SLFN11: variants seen among roughly 807,000 people sequenced by gnomAD.
The protein encoded by SLFN11 is schlafen family member 11.
SLFN11 carries 43 observed loss-of-function variants against 53.4 expected under a neutral mutation model. That is an observed-to-expected ratio of 0.80 (90% CI 0.63 to 1.04). SLFN11 has a LOEUF of 1.04. SLFN11 is among the 50% of genes least tolerant of loss of function. The pLI is 0.00. For missense variants in SLFN11, 990 were observed against 1,079.1 expected (o/e 0.92, Z 1.16); for synonymous variants, 389 against 394.7 (o/e 0.99, Z 0.17).
At position 35,363,463 on chromosome 17, in the gene SLFN11, G is replaced by C. The variant is rs781359832; in HGVS notation, c.345C>G (p.Phe115Leu). 1 of 1,613,832 alleles carries C rather than the reference G, an allele frequency of 6.2e-7. No homozygotes were observed. Among genetic ancestry groups the C allele is most frequent in the African/African-American group, 1.3e-5 (1 of 74,894 alleles). The change falls in exon 4 of 7, where the codon TTC (phenylalanine) becomes TTG (leucine). Residue 115 changes from phenylalanine (F) to leucine (L), a missense_variant. Physicochemically the swap from Phe to Leu is conservative, Grantham distance 22. This residue lies in a region of SLFN11 where 521 missense variants were observed against 516.2 expected (regional missense o/e 1.01). Transcript: ENST00000685675. ...IFVKSWSSGP[F>L]PEDRSVKPRL... The stretch of plus-strand genomic sequence containing the variant: ...GGGGCTTGACAGAGCGATCTTCAGG[G>C]AAAGGGCCACTGCTCCAAGATTTAA...
rs1908490667 is a variant in SLFN11 at position 35,363,258 on chromosome 17, C to A, written c.550G>T (p.Asp184Tyr). Residue 184 changes from aspartate (D) to tyrosine (Y), a missense_variant, in exon 4 of 7, where the codon GAC (aspartate) becomes TAC (tyrosine). Physicochemically the swap from Asp to Tyr is radical, Grantham distance 160 (BLOSUM62 -3). Coordinates refer to ENST00000685675, the MANE Select transcript of SLFN11 (RefSeq NM_001376007.1). ...YQELPNSDPA[D>Y]PNSDPADLIF... ...AGGTCAGCAGGATCCGAGTTTGGGT[C>A]AGCAGGATCCGAGTTAGGGAGCTCT... 2.5e-6 allele frequency: 4 copies of A among 1,614,010 alleles called. No individual in the cohort carries two copies. Among genetic ancestry groups the A allele is most frequent in the Non-Finnish European group, 3.4e-6 (4 of 1,179,974 alleles).
intron 1 of SLFN11, among the ~76,000 whole-genome samples, chr17:35,369,840 CAA>C (rs1909430590): frequency 6.6e-6 from 1 of 151,954 alleles, no homozygotes; most frequent in Admixed American, 6.6e-5. Flanking sequence ...CCGCACAAAC[CAA>C]TAAGAAGTAA....
In SLFN11 at chr17:35,352,906, G is replaced by C. The variant is rs1205676518; in HGVS notation, c.2156C>G (p.Ser719Ter). Reference sequence around the variant, plus strand: ...GAGCTCTTCTCTTGGATATTGGTCTGAGAGAGGAGGGAGGCCACTGCAATC... The same window carrying C: ...GAGCTCTTCTCTTGGATATTGGTCTCAGAGAGGAGGGAGGCCACTGCAATC... ...HLDCSGLPPL[S>*]DQYPREELTR... Residue 719 changes from serine to a stop codon, truncating the protein, a stop_gained, in exon 7 of 7, where the codon TCA becomes TGA. Coordinates refer to ENST00000685675, the MANE Select transcript of SLFN11 (RefSeq NM_001376007.1). LOFTEE classifies it low-confidence loss of function (END_TRUNC). 1 of 1,614,050 alleles carries C rather than the reference G, an allele frequency of 6.2e-7. No homozygotes were observed. Among genetic ancestry groups the C allele is most frequent in the Non-Finnish European group, 8.5e-7 (1 of 1,180,042 alleles).
At chr17:35,362,620 A>T in intron 4 of SLFN11, 119 bp downstream of exon 4, 1 of 748,938 alleles carries the variant, frequency 1.3e-6, no homozygotes, top group East Asian at 2.9e-5. Context: ...TTGGGGATTC[A>T]AAATAAAGTG....
chr17:35,371,765 A>G lies in SLFN11; in HGVS notation c.-235+1709T>C, dbSNP rs1449855786. Among the ~76,000 whole-genome samples the G allele has an allele frequency of 2.6e-5, 4 of 152,160 alleles. No homozygotes were observed. The South Asian group carries it at 6.2e-4, about 24-fold the overall frequency. On this transcript the variant is annotated intron_variant, in intron 1 of 6. Coordinates refer to ENST00000685675, the MANE Select transcript of SLFN11 (RefSeq NM_001376007.1). Reference sequence around the variant, plus strand: ...CAGAAAAATGCAAATCCAAACTACAATGAGATACCATCTCATCCAAGTTAA... The same window carrying G: ...CAGAAAAATGCAAATCCAAACTACAGTGAGATACCATCTCATCCAAGTTAA...
At chr17:35,359,894 C>G (rs972989913) in intron 5 of SLFN11, 6 of 200,630 alleles carry the variant, frequency 3.0e-5, no homozygotes, top group Non-Finnish European at 5.0e-5. Flanking sequence ...TTGCAAGCCA[C>G]TCTCCCCACA....
intron 4 of SLFN11, among the ~76,000 whole-genome samples, chr17:35,362,481 T>A (rs990403435): frequency 6.6e-6 from 1 of 152,124 alleles, no homozygotes; most frequent in African/African-American, 2.4e-5. Context: ...CAGTACACCA[T>A]TGCAAGGGTG....
At chr17:35,363,899 G>A (rs1343580352) in intron 3 of SLFN11, 73 bp from the exon 4 acceptor site, 1 of 1,221,058 alleles carries the variant, frequency 8.2e-7, no homozygotes, top group Non-Finnish European at 1.1e-6. Flanking sequence ...TGTCTAATAT[G>A]TGCTGAGAGA....
At chr17:35,356,950 T>C (rs1907562782) in intron 5 of SLFN11, among the ~76,000 whole-genome samples, 1 of 152,090 alleles carries the variant, frequency 6.6e-6, no homozygotes, top group Non-Finnish European at 1.5e-5. Context: ...CAAGAAGGTG[T>C]GTTTCCCCAC....
chr17:35,356,421 C>T (rs915538532), intron 5 of SLFN11, among the ~76,000 whole-genome samples: 1 of 152,044 alleles, frequency 6.6e-6, no homozygotes, highest in African/African-American at 2.4e-5. Context: ...CTCTCATTTT[C>T]TTAATTTCCT....
intron 5 of SLFN11, among the ~76,000 whole-genome samples, chr17:35,359,077 A>G (rs1907872617): frequency 6.6e-6 from 1 of 152,156 alleles, no homozygotes; most frequent in African/African-American, 2.4e-5. Context: ...AACAATGTAA[A>G]TAGTGTAAAA....
Position 35,353,428 on chromosome 17 carries a change from C to G in SLFN11, c.1830G>C (p.Met610Ile). ...CATTCCTGATCTTCTCCATGATCTT[C>G]ATGGCCATGATGGTCTTCCCTGAGC... ...LPGSGKTIMA[M>I]KIMEKIRNVF... The change falls in exon 6 of 7, where the codon ATG becomes ATC. Residue 610 changes from methionine (M) to isoleucine (I), a missense_variant. This residue lies in a region of SLFN11 where 156 missense variants were observed against 241.9 expected (regional missense o/e 0.64). Coordinates refer to ENST00000685675, the MANE Select transcript of SLFN11 (RefSeq NM_001376007.1). The G allele has an allele frequency of 3.1e-6, 5 of 1,608,280 alleles. No individual in the cohort carries two copies. The highest frequency in any genetic ancestry group is 4.2e-6 in the Non-Finnish European group (5 of 1,177,520).
At chr17:35,353,227 A>G in intron 6 of SLFN11, 88 bp from the exon 7 acceptor site, 1 of 1,598,000 alleles carries the variant, frequency 6.3e-7, no homozygotes, top group South Asian at 1.1e-5. Flanking sequence ...AGCACAGTAC[A>G]TTACCACAGA....
intron 1 of SLFN11, among the ~76,000 whole-genome samples, chr17:35,370,662 A>G (rs961773424): frequency 2.1e-4 from 32 of 152,150 alleles, no homozygotes; most frequent in African/African-American, 7.7e-4. Flanking sequence ...AAAAATCAGT[A>G]GCATCTCTAT....
Position 35,350,338 on chromosome 17 carries a change from C to G in SLFN11, c.*2018G>C, listed in dbSNP as rs1906529923. On this transcript the variant is annotated 3_prime_UTR_variant, in exon 7 of 7. Transcript: ENST00000685675. ...AGTTTAATGAGACACAAACTCTCAA[C>G]TTTTTATTTAAAACAGAAATGCAGT... 6.6e-6 allele frequency: 1 copy of G among 152,112 alleles called. No individual in the cohort carries two copies. Among genetic ancestry groups the G allele is most frequent in the African/African-American group, 2.4e-5 (1 of 41,398 alleles). The allele number at this position is 152,112 out of a possible 1,614,324, so 9.4% of individuals were successfully genotyped here.
At chr17:35,354,613 A>G (rs576182592) in intron 5 of SLFN11, among the ~76,000 whole-genome samples, 1 of 152,174 alleles carries the variant, frequency 6.6e-6, no homozygotes, top group Non-Finnish European at 1.5e-5. Flanking sequence ...TCTTAAAGCT[A>G]TCTCTCCTGA....
In SLFN11 at chr17:35,352,722, C is replaced by G. The variant is rs1364314959; in HGVS notation, c.2340G>C (p.Lys780Asn). The stretch of plus-strand genomic sequence containing the variant: ...TTATTTGCTCCACAGTCAAGTATTT[C>G]TTAATTCGTAAGGTTCCCTGAACAC... ...SQGVQGTLRI[K>N]KYLTVEQIMT... is the part of the protein sequence containing the mutation. The change falls in exon 7 of 7, where the codon AAG becomes AAC. Residue 780 changes from lysine (K) to asparagine (N), a missense_variant. By Grantham distance (94) the Lys-to-Asn change is moderately conservative. Transcript: ENST00000685675. 6.2e-7 allele frequency: 1 copy of G among 1,614,076 alleles called. No homozygotes were observed. The highest frequency in any genetic ancestry group is 2.2e-5 in the East Asian group (1 of 44,900).
At chr17:35,372,846 G>A (rs1340624140) in intron 1 of SLFN11, among the ~76,000 whole-genome samples, 1 of 152,006 alleles carries the variant, frequency 6.6e-6, no homozygotes. Flanking sequence ...TGCCCTCTTG[G>A]AAAACTAAAA....
chr17:35,359,592 G>T (rs1315814728), intron 5 of SLFN11, among the ~76,000 whole-genome samples: 1 of 152,134 alleles, frequency 6.6e-6, no homozygotes, highest in African/African-American at 2.4e-5. Flanking sequence ...TAGAGAAAAG[G>T]CGTTGACCTT....
Sources: gnomAD v4.1 joint callset for allele counts (sites outside exome capture counted in the v4.1 genomes callset) on GRCh38, gnomAD v4.1.1 for gene constraint, gnomAD v4.1.1 regional missense constraint, MANE v1.5 for transcripts, NCBI Gene and HGNC (gene_info 2026-07-23, HGNC 2026-07-21) for gene names.